TSGA10: variants seen among roughly 807,000 people sequenced by gnomAD.
The protein encoded by TSGA10 is testis-specific gene 10 protein.
Under a neutral mutation model 96.6 loss-of-function variants are expected in TSGA10, and 43 were observed. The ratio of observed to expected loss-of-function variants is 0.44; its 90% CI spans 0.35 to 0.57. The LOEUF is 0.57. TSGA10 is among the 20% of genes least tolerant of loss of function. The pLI is 0.01. For synonymous variants in TSGA10, 229 were observed against 269.9 expected (o/e 0.85, Z 1.48); for missense variants, 703 against 834.4 (o/e 0.84, Z 1.94).
intron 1 of TSGA10, chr2:99,147,000 G>C (rs1050158039): frequency 6.5e-6 from 1 of 153,850 alleles, no homozygotes; most frequent in African/African-American, 2.4e-5. Context: ...ACTAAACTTA[G>C]TCTGTTCTAT....
intron 17 of TSGA10, among the ~76,000 whole-genome samples, chr2:99,033,786 G>A (rs1306851184): frequency 6.6e-6 from 1 of 152,146 alleles, no homozygotes; most frequent in Non-Finnish European, 1.5e-5. Flanking sequence ...GCTGCAGTGA[G>A]CCAAGATCAC....
At chr2:99,007,834 A>C (rs77602290) in intron 20 of TSGA10, among the ~76,000 whole-genome samples, 2,764 of 152,306 alleles carry the variant, frequency 0.018, 87 homozygotes, top group African/African-American at 0.063. Context: ...CCAGCACACC[A>C]CTGAGCTATC....
In TSGA10 at chr2:99,071,869, C is replaced by T. The variant is rs138251350; in HGVS notation, c.944G>A (p.Cys315Tyr). The change falls in exon 14 of 21, where the codon TGT (cysteine) becomes TAT (tyrosine). Residue 315 changes from cysteine (C) to tyrosine (Y), a missense_variant. By Grantham distance (194) the Cys-to-Tyr change is radical. Around this residue, in one of 3 missense-constraint regions of TSGA10, gnomAD observed 585 missense variants for 656.8 expected, o/e 0.89. Coordinates refer to ENST00000393483, the MANE Select transcript of TSGA10 (RefSeq NM_025244.4). Reference protein sequence around the residue: ...IAEMEQASRQCTEALIVCEQD... With the variant: ...IAEMEQASRQYTEALIVCEQD... ...TTCACACACAATTAGGGCCTCAGTA[C>T]ACTGTCTATTCCACAAATCAAAGAG... 6.2e-7 allele frequency: 1 copy of T among 1,612,262 alleles called. No individual in the cohort carries two copies. Among genetic ancestry groups the T allele is most frequent in the Admixed American group, 1.7e-5 (1 of 59,676 alleles).
intron 10 of TSGA10, among the ~76,000 whole-genome samples, chr2:99,093,492 T>C (rs1054826419): frequency 6.6e-5 from 10 of 152,154 alleles, no homozygotes; most frequent in Admixed American, 1.3e-4. Flanking sequence ...ATCGTAGACC[T>C]AGAAAATCCT....
At chr2:99,014,228 G>A (rs745829541) in intron 20 of TSGA10, among the ~76,000 whole-genome samples, 7 of 152,040 alleles carry the variant, frequency 4.6e-5, no homozygotes, top group Non-Finnish European at 8.8e-5. Flanking sequence ...CCAGCTACTT[G>A]GGAGGTTGAG....
In TSGA10 at chr2:99,035,467, T is replaced by C. The variant is rs771151062; in HGVS notation, c.1405-28A>G. 5 of 1,450,662 alleles carry C rather than the reference T, an allele frequency of 3.4e-6. No individual in the cohort carries two copies. The South Asian group carries it at 3.9e-5, about 11-fold the overall frequency. 89.9% of individuals were successfully genotyped at this position (1,450,662 alleles called of 1,614,324 possible). ...GTAAGAATAAAATTATATATATGTA[T>C]GTATACATATATATTAAACTGGAAG... On this transcript the variant is annotated intron_variant, in intron 16 of 20. Transcript: ENST00000393483.
intron 16 of TSGA10, among the ~76,000 whole-genome samples, chr2:99,049,852 T>C (rs986608625): frequency 3.3e-5 from 5 of 151,878 alleles, no homozygotes; most frequent in Non-Finnish European, 7.4e-5. Flanking sequence ...TGAAAATAAC[T>C]GATCACAGAT....
intron 20 of TSGA10, among the ~76,000 whole-genome samples, chr2:99,006,701 T>C (rs2078512268): frequency 6.6e-6 from 1 of 152,230 alleles, no homozygotes; most frequent in African/African-American, 2.4e-5. Flanking sequence ...TTGGTGGGAC[T>C]GTAAACTAGT....
At chr2:99,083,209 A>G (rs1022336873) in intron 10 of TSGA10, among the ~76,000 whole-genome samples, 9 of 152,296 alleles carry the variant, frequency 5.9e-5, no homozygotes, top group Admixed American at 6.5e-5. Flanking sequence ...ACCTGTATCT[A>G]TTAAGACAAT....
chr2:99,074,735 C>T (rs577169570), intron 12 of TSGA10, among the ~76,000 whole-genome samples: 7 of 151,928 alleles, frequency 4.6e-5, no homozygotes, highest in East Asian at 1.9e-4. Flanking sequence ...GTGAGGCAGG[C>T]GGAACACGAG....
At chr2:99,150,464 C>CTTTTT in intron 1 of TSGA10, 2 of 1,113,530 alleles carry the variant, frequency 1.8e-6, no homozygotes, top group Non-Finnish European at 2.5e-6. Context: ...TCACTTGTTA[C>CTTTTT]TTTTTTTTTT....
intron 16 of TSGA10, among the ~76,000 whole-genome samples, chr2:99,062,930 A>G (rs1296986106): frequency 6.6e-6 from 1 of 152,220 alleles, no homozygotes; most frequent in East Asian, 1.9e-4. Flanking sequence ...ATTTATTCTA[A>G]AATTCATCTG....
chr2:99,121,363 T>C (rs1282926020), intron 2 of TSGA10, among the ~76,000 whole-genome samples: 2 of 18,014 alleles, frequency 1.1e-4, no homozygotes, highest in Non-Finnish European at 2.5e-4. Flanking sequence ...AGTTACTGTA[T>C]TGTTATTTCA....
At chr2:99,035,611 G>C (rs967308429) in intron 16 of TSGA10, among the ~76,000 whole-genome samples, 172 bp from the exon 17 acceptor site, 5 of 137,528 alleles carry the variant, frequency 3.6e-5, no homozygotes, top group African/African-American at 1.2e-4. Context: ...GATAAATTCA[G>C]GTTTTGACTT....
rs559414789 is a variant in TSGA10, at chr2:99,085,270, A to T, written c.612-3873T>A. Among the ~76,000 whole-genome samples the T allele has an allele frequency of 5.5e-4, 84 of 152,002 alleles. 1 individual carries two copies. Among genetic ancestry groups the T allele is most frequent in the African/African-American group, 1.8e-3 (76 of 41,454 alleles). The stretch of plus-strand genomic sequence containing the variant: ...TCAAAATTAATTAATTAATTAATTT[A>T]AAAAATGCATCCAAAAAAGTAATTA... On this transcript the variant is annotated intron_variant, in intron 10 of 20. Transcript: ENST00000393483.
intron 1 of TSGA10, among the ~76,000 whole-genome samples, chr2:99,131,431 T>C (rs1225897849): frequency 6.6e-6 from 1 of 152,240 alleles, no homozygotes; most frequent in African/African-American, 2.4e-5. Flanking sequence ...TGTCTATTAC[T>C]GGTGTATAGG....
intron 12 of TSGA10, among the ~76,000 whole-genome samples, chr2:99,074,746 G>A (rs932881725): frequency 2.0e-5 from 3 of 152,058 alleles, no homozygotes; most frequent in African/African-American, 7.2e-5. Context: ...GGAACACGAG[G>A]TCAGGAGTTT....
intron 1 of TSGA10, among the ~76,000 whole-genome samples, chr2:99,134,711 A>G (rs533181725): frequency 6.6e-6 from 1 of 151,686 alleles, no homozygotes; most frequent in South Asian, 2.1e-4. Context: ...CCTCATCTTC[A>G]TGGATTTATC....
At chr2:99,011,554 C>G (rs2079011689) in intron 20 of TSGA10, among the ~76,000 whole-genome samples, 1 of 151,970 alleles carries the variant, frequency 6.6e-6, no homozygotes, top group South Asian at 2.1e-4. Flanking sequence ...AACTAGTGTT[C>G]CTGAGGAAGA....
Sources: allele counts gnomAD v4.1 joint callset (sites outside exome capture counted in the v4.1 genomes callset), GRCh38; gene constraint gnomAD v4.1.1; regional missense constraint gnomAD v4.1.1; transcripts MANE v1.5; gene names NCBI Gene and HGNC (gene_info 2026-07-23, HGNC 2026-07-21).